The following SYN2 variants were observed in gnomAD, a reference collection of about 807,000 sequenced individuals.
SYN2 encodes the protein synapsin-2.
A neutral mutation model predicts 50.9 loss-of-function variants in SYN2; 19 were observed. The ratio of observed to expected loss-of-function variants is 0.37; its 90% CI spans 0.26 to 0.55. The LOEUF (loss-of-function observed/expected upper bound fraction) is 0.55, where lower values mean the gene tolerates loss of function less well. Among genes scored for constraint, SYN2 ranks in the 20% least tolerant of loss-of-function variants. The pLI is 0.81. For synonymous variants in SYN2, 255 were observed against 224.9 expected, an observed-to-expected ratio of 1.13 and a Z score of -1.20; for missense variants, 587 against 576.4, an observed-to-expected ratio of 1.02 and a Z score of -0.19.
chr3:12,009,616 T>A (rs1693875044), intron 1 of SYN2, among the ~76,000 whole-genome samples: 1 of 152,238 alleles, frequency 6.6e-6, no homozygotes, highest in Non-Finnish European at 1.5e-5. Flanking sequence ...CTTTGAGATT[T>A]CTCAAATTCT....
intron 1 of SYN2, among the ~76,000 whole-genome samples, chr3:12,058,484 A>G (rs1409888355): frequency 6.6e-6 from 1 of 152,240 alleles, no homozygotes; most frequent in African/African-American, 2.4e-5. Flanking sequence ...TGATTATTCT[A>G]TCTCTGAAGC....
chr3:12,052,406 A>G (rs1478956985), intron 1 of SYN2, among the ~76,000 whole-genome samples: 1 of 152,116 alleles, frequency 6.6e-6, no homozygotes, highest in East Asian at 1.9e-4. Flanking sequence ...TGAGGAACTC[A>G]AGATTTATAA....
intron 1 of SYN2, among the ~76,000 whole-genome samples, chr3:12,024,806 G>A (rs1694219806): frequency 6.6e-6 from 1 of 152,176 alleles, no homozygotes; most frequent in African/African-American, 2.4e-5. Flanking sequence ...GTACCCAGGA[G>A]TGGCATTTGC....
At chr3:12,081,956 T>C (rs1160172462) in intron 1 of SYN2, among the ~76,000 whole-genome samples, 2 of 152,172 alleles carry the variant, frequency 1.3e-5, no homozygotes, top group African/African-American at 4.8e-5. Context: ...GAAGGACCAA[T>C]GGGCGGAAAC....
intron 1 of SYN2, among the ~76,000 whole-genome samples, chr3:12,094,545 G>A (rs530171466): frequency 2.6e-5 from 4 of 152,306 alleles, no homozygotes; most frequent in African/African-American, 7.2e-5. Context: ...CTCCATCTAT[G>A]CCATTTACTT....
At position 12,104,570 on chromosome 3, in the gene SYN2, C is replaced by CTTTTTTTTTTTTTTTTT. The variant is rs796837275; in HGVS notation, c.378-36075_378-36059dup. Among the ~76,000 whole-genome samples, 31 of 81,718 alleles carry CTTTTTTTTTTTTTTTTT rather than the reference C, an allele frequency of 3.8e-4. 2 individuals are homozygous for CTTTTTTTTTTTTTTTTT. Among genetic ancestry groups the CTTTTTTTTTTTTTTTTT allele is most frequent in the Non-Finnish European group, 5.5e-4 (26 of 47,462 alleles). The allele number at this position is 81,718 out of a possible 152,430, so 53.6% of individuals were successfully genotyped here. On this transcript the variant is annotated intron_variant, in intron 1 of 12. Coordinates refer to ENST00000621198, the MANE Select transcript of SYN2 (RefSeq NM_133625.6). ...ATGTGAAACATTTTTCTTTTCTTTT[C>CTTTTTTTTTTTTTTTTT]TTTTTTTTTTTTTTTTTTTTTTGAG... is the stretch of plus-strand genomic sequence containing the variant.
chr3:12,066,207 TG>T (rs1442342419), intron 1 of SYN2, among the ~76,000 whole-genome samples: 3 of 152,206 alleles, frequency 2.0e-5, no homozygotes, highest in Non-Finnish European at 4.4e-5. Flanking sequence ...GAATCAATAT[TG>T]GCTTGTTAAT....
rs76652649 is a variant in SYN2 at position 12,022,077 on chromosome 3, C to CAA, written c.377+17164_377+17165dup. Among the ~76,000 whole-genome samples the CAA allele has an allele frequency of 3.4e-3, 417 of 122,554 alleles. 1 individual carries two copies. Among genetic ancestry groups the CAA allele is most frequent in the South Asian group, 8.2e-3 (32 of 3,918 alleles). The allele number at this position is 122,554 out of a possible 152,430, so 80.4% of individuals were successfully genotyped here. On this transcript the variant is annotated intron_variant, in intron 1 of 12. Transcript: ENST00000621198. ...AGAGTAAGATTGCAAGGCTCTGTGTCAAAAAAAAAAAAAAAAGAGGTTCTT... is the reference window on the plus strand; with the variant it reads ...AGAGTAAGATTGCAAGGCTCTGTGTCAAAAAAAAAAAAAAAAAAGAGGTTCTT...
At chr3:12,018,898 A>G (rs1027529692) in intron 1 of SYN2, among the ~76,000 whole-genome samples, 1 of 152,206 alleles carries the variant, frequency 6.6e-6, no homozygotes, top group South Asian at 2.1e-4. Flanking sequence ...AGGTATGGTC[A>G]TGGGCACTTT....
intron 9 of SYN2, 63 bp from the exon 10 acceptor site, chr3:12,169,694 G>T: frequency 6.3e-7 from 1 of 1,584,942 alleles, no homozygotes; most frequent in South Asian, 1.2e-5. Flanking sequence ...CATTCTGAAA[G>T]ATTGTACCAG....
intron 1 of SYN2, among the ~76,000 whole-genome samples, chr3:12,058,275 C>T (rs1327541971): frequency 2.6e-5 from 4 of 152,066 alleles, no homozygotes; most frequent in East Asian, 1.9e-4. Flanking sequence ...CCTTTAATGA[C>T]GGTAGATGAT....
chr3:12,085,373 A>G (rs112143125), intron 1 of SYN2, among the ~76,000 whole-genome samples: 110,431 of 150,158 alleles, frequency 0.74, 40,953 homozygotes, highest in East Asian at 0.91. Context: ...ACACACACAC[A>G]CACACACGCA....
At chr3:12,131,339 G>A (rs985203122) in intron 1 of SYN2, among the ~76,000 whole-genome samples, 2 of 152,240 alleles carry the variant, frequency 1.3e-5, no homozygotes, top group East Asian at 3.8e-4. Context: ...TCTGGTGACA[G>A]CGGTGACTGT....
intron 1 of SYN2, among the ~76,000 whole-genome samples, chr3:12,007,260 T>A (rs1294775908): frequency 6.6e-6 from 1 of 152,192 alleles, no homozygotes; most frequent in Non-Finnish European, 1.5e-5. Context: ...ACTGTTTTCC[T>A]ATTTTCTCTG....
At chr3:12,109,574 T>C (rs1489782631) in intron 1 of SYN2, among the ~76,000 whole-genome samples, 1 of 152,210 alleles carries the variant, frequency 6.6e-6, no homozygotes, top group Non-Finnish European at 1.5e-5. Flanking sequence ...TAGTTAGCGC[T>C]CAGTAAATGT....
intron 1 of SYN2, among the ~76,000 whole-genome samples, chr3:12,128,956 C>T (rs898157869): frequency 6.6e-6 from 1 of 152,082 alleles, no homozygotes; most frequent in Non-Finnish European, 1.5e-5. Flanking sequence ...CAGTGGCTAC[C>T]ACCACAAGGT....
chr3:12,169,685 A>G, intron 9 of SYN2, 72 bp from the exon 10 acceptor site: 1 of 1,561,624 alleles, frequency 6.4e-7, no homozygotes, highest in Admixed American at 1.7e-5. Flanking sequence ...ATTCCTACCC[A>G]TTCTGAAAGA....
chr3:12,025,893 C>T (rs998985536), intron 1 of SYN2, among the ~76,000 whole-genome samples: 7 of 152,206 alleles, frequency 4.6e-5, no homozygotes, highest in Non-Finnish European at 1.5e-5. Flanking sequence ...GGCAAGCTCA[C>T]GGAAGAAGCT....
intron 1 of SYN2, among the ~76,000 whole-genome samples, chr3:12,050,964 T>C (rs1325671433): frequency 6.6e-6 from 1 of 150,562 alleles, no homozygotes; most frequent in East Asian, 2.0e-4. Flanking sequence ...CTCGATCTCC[T>C]GACCTCATGA....
Sources: gnomAD v4.1 joint callset for allele counts (sites outside exome capture counted in the v4.1 genomes callset) on GRCh38, gnomAD v4.1.1 for gene constraint, MANE v1.5 for transcripts, NCBI Gene and HGNC (gene_info 2026-07-23, HGNC 2026-07-21) for gene names.